PDE8A: variants seen among roughly 807,000 people sequenced by gnomAD.
PDE8A encodes the protein high affinity cAMP-specific and IBMX-insensitive 3',5'-cyclic phosphodiesterase 8A.
Under a neutral mutation model 105.0 loss-of-function variants are expected in PDE8A, and 59 were observed. The ratio of observed to expected loss-of-function variants is 0.56; its 90% CI spans 0.46 to 0.70. PDE8A has a LOEUF of 0.70. PDE8A is among the 30% of genes least tolerant of loss of function. PDE8A has a pLI of 0.00. For synonymous variants in PDE8A, 355 were observed against 371.9 expected (o/e 0.95, Z 0.52); for missense variants, 1,014 against 1,045.9 (o/e 0.97, Z 0.42).
chr15:84,991,989 A>C (rs78274016), intron 1 of PDE8A, among the ~76,000 whole-genome samples: 22 of 152,070 alleles, frequency 1.4e-4, no homozygotes, highest in African/African-American at 4.8e-4. Flanking sequence ...CTCTAACAAC[A>C]AAAAAAAGAT....
chr15:85,049,448 T>G (rs1189935522), intron 1 of PDE8A, among the ~76,000 whole-genome samples: 1 of 152,260 alleles, frequency 6.6e-6, no homozygotes, highest in African/African-American at 2.4e-5. Context: ...ATATAGAATT[T>G]GTCTTTTTGT....
chr15:84,995,317 C>CTT (rs35094035), intron 1 of PDE8A, among the ~76,000 whole-genome samples: 1 of 145,566 alleles, frequency 6.9e-6, no homozygotes. Context: ...CAGTATGTAC[C>CTT]TTTTTTTTTT....
At chr15:85,051,723 C>G (rs1025095387) in intron 1 of PDE8A, among the ~76,000 whole-genome samples, 4 of 152,014 alleles carry the variant, frequency 2.6e-5, no homozygotes, top group Non-Finnish European at 5.9e-5. Flanking sequence ...GTTTGGTTTT[C>G]TGTGCCTGTT....
chr15:84,981,721 C>T (rs1249610977), upstream of PDE8A, among the ~76,000 whole-genome samples: 1 of 151,194 alleles, frequency 6.6e-6, no homozygotes, highest in Non-Finnish European at 1.5e-5. Context: ...GGAGCGGGGC[C>T]GGGCGCGGCC....
intron 3 of PDE8A, among the ~76,000 whole-genome samples, chr15:85,069,187 T>A (rs1169268752): frequency 6.6e-6 from 1 of 152,250 alleles, no homozygotes; most frequent in Non-Finnish European, 1.5e-5. Flanking sequence ...CAGAGTTCTT[T>A]CGTCATGTAA....
At chr15:85,106,225 C>G (rs537758733) in intron 11 of PDE8A, among the ~76,000 whole-genome samples, 17 of 152,106 alleles carry the variant, frequency 1.1e-4, no homozygotes, top group East Asian at 1.9e-4. Context: ...TGCTGTCGTC[C>G]TCCTCCTCAT....
intron 17 of PDE8A, 33 bp downstream of exon 17, chr15:85,117,872 G>T: frequency 6.5e-7 from 1 of 1,536,370 alleles, no homozygotes; most frequent in Non-Finnish European, 9.0e-7. Context: ...CATTTAATGG[G>T]CAGGAGCAGT....
intron 1 of PDE8A, among the ~76,000 whole-genome samples, chr15:85,060,536 G>C (rs577476043): frequency 6.6e-6 from 1 of 152,154 alleles, no homozygotes; most frequent in Non-Finnish European, 1.5e-5. Flanking sequence ...AATTTAAAGC[G>C]TAGAGGAGAA....
chr15:85,103,367 G>T (rs774732419), intron 11 of PDE8A, among the ~76,000 whole-genome samples: 3 of 152,184 alleles, frequency 2.0e-5, no homozygotes, highest in Non-Finnish European at 4.4e-5. Context: ...AGGGCATTTG[G>T]TCGTTTTACT....
rs191532432 is a variant in PDE8A at position 85,036,989 on chromosome 15, C to T, written c.187-27381C>T. Among the ~76,000 whole-genome samples, 90 of 152,150 alleles carry T rather than the reference C, an allele frequency of 5.9e-4. 1 individual carries two copies. The highest frequency in any genetic ancestry group is 2.1e-4 in the South Asian group (1 of 4,814). On this transcript the variant is annotated intron_variant, in intron 1 of 21. Transcript: ENST00000394553. ...GCTTCTTCCCCAGTGGCAGGCTGCCCCTGCAACTGGTCCTGCTATTAGAGA... is the reference window on the plus strand; with the variant it reads ...GCTTCTTCCCCAGTGGCAGGCTGCCTCTGCAACTGGTCCTGCTATTAGAGA...
chr15:85,006,214 GTAAC>G (rs1401711511), intron 1 of PDE8A, among the ~76,000 whole-genome samples: 1 of 151,988 alleles, frequency 6.6e-6, no homozygotes, highest in Non-Finnish European at 1.5e-5. Flanking sequence ...GTATACATAT[GTAAC>G]TAACCGGCAC....
At chr15:85,039,904 G>A in intron 1 of PDE8A, among the ~76,000 whole-genome samples, 1 of 152,160 alleles carries the variant, frequency 6.6e-6, no homozygotes. Flanking sequence ...TAGAAGTAAA[G>A]AGTAGAATGA....
intron 19 of PDE8A, among the ~76,000 whole-genome samples, 165 bp downstream of exon 19, chr15:85,123,358 AC>A (rs2082212205): frequency 1.7e-5 from 2 of 115,994 alleles, no homozygotes; most frequent in African/African-American, 5.5e-5. Context: ...ACACACACAC[AC>A]ACACACACAC....
Position 85,137,860 on chromosome 15 carries a change from T to G in PDE8A, c.2447T>G (p.Leu816Arg). Residue 816 changes from leucine (L) to arginine (R), a missense_variant, in exon 22 of 22, where the codon CTG (leucine) becomes CGG (arginine). Coordinates refer to ENST00000394553, the MANE Select transcript of PDE8A (RefSeq NM_002605.3). ...AACAACTTTAAATACTGGAAAGGAC[T>G]GGACGAAATGAAGCTGCGGAACCTC... ...LDNNFKYWKG[L>R]DEMKLRNLRP... 6.2e-7 allele frequency: 1 copy of G among 1,613,732 alleles called. No homozygotes were observed. Among genetic ancestry groups the G allele is most frequent in the Non-Finnish European group, 8.5e-7 (1 of 1,179,618 alleles).
chr15:85,129,948 A>G (rs2082308279), intron 20 of PDE8A, among the ~76,000 whole-genome samples: 1 of 152,198 alleles, frequency 6.6e-6, no homozygotes, highest in Non-Finnish European at 1.5e-5. Context: ...GTTTAAGCGT[A>G]TATTAGTCCA....
At chr15:85,022,534 T>A (rs960520400) in intron 1 of PDE8A, among the ~76,000 whole-genome samples, 1 of 109,026 alleles carries the variant, frequency 9.2e-6, no homozygotes, top group African/African-American at 3.8e-5. Flanking sequence ...GTCATATATA[T>A]GCAAAATTTT....
intron 1 of PDE8A, among the ~76,000 whole-genome samples, chr15:85,060,922 T>C (rs1001844414): frequency 6.6e-6 from 1 of 152,246 alleles, no homozygotes; most frequent in African/African-American, 2.4e-5. Flanking sequence ...TACTGTCTAG[T>C]GTCCTTTTAT....
At chr15:85,062,602 T>C (rs1034847684) in intron 1 of PDE8A, 1 of 152,316 alleles carries the variant, frequency 6.6e-6, no homozygotes, top group African/African-American at 2.4e-5. Context: ...AGAGCACAGA[T>C]CCCTGATATT....
At chr15:85,095,214 A>G (rs1479919602) in intron 8 of PDE8A, among the ~76,000 whole-genome samples, 3 of 152,170 alleles carry the variant, frequency 2.0e-5, no homozygotes, top group African/African-American at 4.8e-5. Context: ...ACCTGCACCC[A>G]AACCAGCTCA....
Sources: gnomAD v4.1 joint callset for allele counts (sites outside exome capture counted in the v4.1 genomes callset) on GRCh38, gnomAD v4.1.1 for gene constraint, MANE v1.5 for transcripts, NCBI Gene and HGNC (gene_info 2026-07-23, HGNC 2026-07-21) for gene names.